INVS: variants seen among roughly 807,000 people sequenced by gnomAD.
INVS encodes inversin, also known as inversion of embryo turning homolog.
INVS carries 86 observed loss-of-function variants against 108.8 expected under a neutral mutation model. That is an observed-to-expected ratio of 0.79 (90% confidence interval 0.66 to 0.95). The LOEUF (loss-of-function observed/expected upper bound fraction) is 0.95. Ranked by LOEUF, INVS falls within the 40% of genes least tolerant of loss-of-function variation. INVS has a pLI of 0.00. For synonymous variants in INVS, 455 were observed against 473.5 expected, an observed-to-expected ratio of 0.96 and a Z score of 0.51; for missense variants, 1,169 against 1,297.4, an observed-to-expected ratio of 0.90 and a Z score of 1.52.
intron 13 of INVS, among the ~76,000 whole-genome samples, chr9:100,291,736 T>C (rs1321295826): frequency 6.6e-6 from 1 of 152,238 alleles, no homozygotes; most frequent in Admixed American, 6.5e-5. Context: ...TTTTAAATTC[T>C]TATGGGAGAC....
chr9:100,271,222 T>C (rs1832945616), intron 11 of INVS, among the ~76,000 whole-genome samples: 1 of 152,252 alleles, frequency 6.6e-6, no homozygotes, highest in African/African-American at 2.4e-5. Context: ...TACAGGGATA[T>C]ATTTTTTATA....
In INVS at chr9:100,100,590, A is replaced by T. The variant is rs747444546; in HGVS notation, c.-25+1174A>T. The stretch of plus-strand genomic sequence containing the variant: ...AAAGTATATATATATAATATATATA[A>T]TATATGTACATATAATATATATAAT... On this transcript the variant is annotated intron_variant, in intron 1 of 16. Transcript: ENST00000262457. 1.1e-3 allele frequency among the ~76,000 whole-genome samples: 88 copies of T among 77,574 alleles called. 7 individuals carry two copies. Among genetic ancestry groups the T allele is most frequent in the African/African-American group, 1.9e-3 (39 of 21,028 alleles). 50.9% of individuals were successfully genotyped at this position (77,574 alleles called of 152,430 possible).
At chr9:100,188,419 C>T (rs940187389) in intron 3 of INVS, among the ~76,000 whole-genome samples, 5 of 152,060 alleles carry the variant, frequency 3.3e-5, no homozygotes, top group African/African-American at 1.2e-4. Context: ...AATGCTTTTT[C>T]TGTGTCTATT....
intron 3 of INVS, among the ~76,000 whole-genome samples, chr9:100,192,248 A>AGTGTGTGTGT (rs58132596): frequency 0.063 from 9,127 of 144,876 alleles, 394 homozygotes; most frequent in African/African-American, 0.11. Flanking sequence ...GGGAAAAAAG[A>AGTGTGTGTGT]GTGTGTGTGT....
intron 3 of INVS, among the ~76,000 whole-genome samples, chr9:100,136,155 AT>A (rs1828217603): frequency 6.6e-6 from 1 of 152,204 alleles, no homozygotes; most frequent in African/African-American, 2.4e-5. Context: ...GAGCAATGGT[AT>A]TTAGTGGACA....
intron 3 of INVS, among the ~76,000 whole-genome samples, chr9:100,206,999 A>G (rs1200694571): frequency 1.3e-5 from 2 of 152,204 alleles, no homozygotes; most frequent in African/African-American, 2.4e-5. Context: ...TCAGTGCCTC[A>G]TATCAGGAAG....
At chr9:100,214,786 C>T (rs1830935654) in intron 3 of INVS, 1 of 152,222 alleles carries the variant, frequency 6.6e-6, no homozygotes, top group Non-Finnish European at 1.5e-5. Context: ...AGATGGCTGG[C>T]CTCAGCTGCT....
At chr9:100,208,630 C>T (rs1278432414) in intron 3 of INVS, among the ~76,000 whole-genome samples, 1 of 152,084 alleles carries the variant, frequency 6.6e-6, no homozygotes, top group African/African-American at 2.4e-5. Context: ...TGTTGGAAAA[C>T]TAAAGATGGA....
rs1222088207 is a variant in INVS at position 100,226,130 on chromosome 9, G to C, written c.342G>C (p.Glu114Asp). Residue 114 changes from glutamate to aspartate, a missense_variant, in exon 4 of 17, where the codon GAG (glutamate) becomes GAC (aspartate). Physicochemically the swap from Glu to Asp is conservative, Grantham distance 45 (BLOSUM62 2). Around this residue, in one of 3 missense-constraint regions of INVS, gnomAD observed 365 missense variants for 397.5 expected, o/e 0.92. Transcript: ENST00000262457. ...ACTGGATGCAAAAGGATCTGGAAGAGATGACTCCTTTGCACTTGACCACCC... is the reference window on the plus strand; with the variant it reads ...ACTGGATGCAAAAGGATCTGGAAGACATGACTCCTTTGCACTTGACCACCC... Reference protein sequence around the residue: ...RANWMQKDLEEMTPLHLTTRH... With the variant: ...RANWMQKDLEDMTPLHLTTRH... 11 of 1,613,750 alleles carry C rather than the reference G, an allele frequency of 6.8e-6. No individual in the cohort carries two copies. Among genetic ancestry groups the C allele is most frequent in the Non-Finnish European group, 9.3e-6 (11 of 1,179,840 alleles).
chr9:100,260,184 T>C (rs2118605055), intron 10 of INVS, among the ~76,000 whole-genome samples: 1 of 141,430 alleles, frequency 7.1e-6, no homozygotes, highest in African/African-American at 2.5e-5. Context: ...ACATTTTCTT[T>C]TCTTTTTTTT....
intron 3 of INVS, among the ~76,000 whole-genome samples, chr9:100,208,963 C>T (rs1407771560): frequency 3.3e-5 from 5 of 151,768 alleles, no homozygotes; most frequent in African/African-American, 1.2e-4. Context: ...TTCTTTTTTA[C>T]CAATGGGAAA....
At chr9:100,190,703 T>C (rs544238896) in intron 3 of INVS, among the ~76,000 whole-genome samples, 25 of 152,348 alleles carry the variant, frequency 1.6e-4, no homozygotes, top group African/African-American at 5.8e-4. Context: ...TAATCCTTTC[T>C]GGCTTGTAAA....
At chr9:100,173,289 A>C (rs147124386) in intron 3 of INVS, among the ~76,000 whole-genome samples, 1 of 152,358 alleles carries the variant, frequency 6.6e-6, no homozygotes, top group East Asian at 1.9e-4. Flanking sequence ...GAAGACCGTA[A>C]GAAGAGGATA....
At chr9:100,108,135 G>A (rs1490203798) in intron 2 of INVS, among the ~76,000 whole-genome samples, 1 of 152,088 alleles carries the variant, frequency 6.6e-6, no homozygotes, top group Non-Finnish European at 1.5e-5. Context: ...AGAAAAAAGT[G>A]CAGTATGTTA....
At chr9:100,259,204 G>A (rs971862492) in intron 10 of INVS, among the ~76,000 whole-genome samples, 11 of 152,208 alleles carry the variant, frequency 7.2e-5, no homozygotes, top group South Asian at 4.1e-4. Context: ...CTCCGTGGGC[G>A]TGGGACCCTC....
intron 2 of INVS, among the ~76,000 whole-genome samples, chr9:100,111,884 A>C (rs1827346748): frequency 6.6e-6 from 1 of 152,182 alleles, no homozygotes; most frequent in Admixed American, 6.5e-5. Flanking sequence ...TTATTCAGAA[A>C]CTAGCCATGA....
intron 1 of INVS, among the ~76,000 whole-genome samples, chr9:100,101,014 A>ATGTATATATATTATATATATTATATATG (rs1564112607): frequency 1.4e-4 from 14 of 98,234 alleles, no homozygotes; most frequent in African/African-American, 4.8e-4. Context: ...TATATATTAT[A>ATGTATATATATTATATATATTATATATG]TGTATATATA....
chr9:100,271,508 A>G (rs1465016889), intron 11 of INVS, among the ~76,000 whole-genome samples: 1 of 152,238 alleles, frequency 6.6e-6, no homozygotes, highest in East Asian at 1.9e-4. Context: ...ATAAATTCCT[A>G]AGAGTGAAAC....
chr9:100,100,387 G>C (rs1826788169), intron 1 of INVS, among the ~76,000 whole-genome samples: 1 of 150,206 alleles, frequency 6.7e-6, no homozygotes, highest in Non-Finnish European at 1.5e-5. Context: ...TAGTTGAAAT[G>C]GGAAATTTTA....
Sources: gnomAD v4.1 joint callset for allele counts (sites outside exome capture counted in the v4.1 genomes callset) on GRCh38, gnomAD v4.1.1 for gene constraint, gnomAD v4.1.1 regional missense constraint, MANE v1.5 for transcripts, NCBI Gene and HGNC (gene_info 2026-07-23, HGNC 2026-07-21) for gene names.